Variants in CTPS1 observed in about 807,000 individuals in gnomAD.
The protein encoded by CTPS1 is CTP synthetase 1.
In CTPS1, 25 loss-of-function variants were observed where a neutral mutation model predicts 80.5. That is an observed-to-expected ratio of 0.31 (90% CI 0.23 to 0.43). CTPS1 has a LOEUF of 0.43. CTPS1 is among the 20% of genes least tolerant of loss of function. The pLI, the probability that CTPS1 is intolerant of heterozygous loss-of-function variation, is 1.00. For missense variants in CTPS1, 442 were observed against 725.7 expected, an observed-to-expected ratio of 0.61 and a Z score of 4.49; for synonymous variants, 267 against 252.5, an observed-to-expected ratio of 1.06 and a Z score of -0.54.
At position 40,984,739 on chromosome 1, in the gene CTPS1, G is replaced by C. The variant is rs1422581829; in HGVS notation, c.167-82G>C. The stretch of plus-strand genomic sequence containing the variant: ...TTACGTAATTGCACACCTTGTTAAT[G>C]AGTGTTTTATTTCAGGATTGCAGTT... On this transcript the variant is annotated intron_variant, in intron 2 of 18. Transcript: ENST00000650070. 3.7e-6 allele frequency: 4 copies of C among 1,086,226 alleles called. No homozygotes were observed. In the African/African-American group the frequency reaches 6.4e-5, roughly 17 times the overall value. The allele number at this position is 1,086,226 out of a possible 1,614,324, so 67.3% of individuals were successfully genotyped here. A position where few individuals can be genotyped will look rare whatever the true frequency, so the allele number is the denominator to read the frequency against.
intron 5 of CTPS1, among the ~76,000 whole-genome samples, chr1:40,990,188 CTGTG>C: frequency 6.6e-6 from 1 of 152,298 alleles, no homozygotes; most frequent in South Asian, 2.1e-4. Context: ...GTGGCAGAGA[CTGTG>C]TGGCCCACAA....
At chr1:41,005,410 C>T (rs192737403) in intron 12 of CTPS1, among the ~76,000 whole-genome samples, 2 of 152,122 alleles carry the variant, frequency 1.3e-5, no homozygotes, top group East Asian at 3.9e-4. Context: ...CCATTGCACT[C>T]CAGCCTGCCC....
intron 1 of CTPS1, chr1:40,980,665 C>G (rs530747649): frequency 1.3e-5 from 2 of 152,250 alleles, no homozygotes; most frequent in Non-Finnish European, 1.5e-5. Flanking sequence ...AAAAGCATTT[C>G]CCCCCTCAGT....
At chr1:40,987,322 T>C (rs1229478601) in intron 3 of CTPS1, 50 bp from the exon 4 acceptor site, 1 of 1,343,220 alleles carries the variant, frequency 7.4e-7, no homozygotes, top group East Asian at 2.3e-5. Context: ...TTTGTCTCAA[T>C]CAATGTAGAT....
At chr1:41,002,359 G>A in intron 11 of CTPS1, 105 bp downstream of exon 11, 1 of 895,304 alleles carries the variant, frequency 1.1e-6, no homozygotes, top group Non-Finnish European at 1.8e-6. Context: ...GAAACATGCT[G>A]TCTTTGTGGA....
At chr1:40,988,018 T>G (rs1480842921) in intron 4 of CTPS1, among the ~76,000 whole-genome samples, 2 of 152,148 alleles carry the variant, frequency 1.3e-5, no homozygotes, top group Admixed American at 1.3e-4. Context: ...GCTCAAGCAG[T>G]TCTCCTACCT....
At chr1:40,982,336 T>C (rs908826570) in intron 1 of CTPS1, among the ~76,000 whole-genome samples, 1 of 152,140 alleles carries the variant, frequency 6.6e-6, no homozygotes, top group Non-Finnish European at 1.5e-5. Flanking sequence ...CTTCATTGCA[T>C]GCCTGGGAGA....
At chr1:40,984,786 T>C (rs1642409671) in intron 2 of CTPS1, 35 bp from the exon 3 acceptor site, 3 of 1,430,022 alleles carry the variant, frequency 2.1e-6, no homozygotes, top group African/African-American at 2.9e-5. Flanking sequence ...TAGGTATTTT[T>C]CACTTAACGT....
intron 8 of CTPS1, 189 bp from the exon 9 acceptor site, chr1:40,997,205 A>T: frequency 1.7e-6 from 1 of 598,290 alleles, no homozygotes. Context: ...CAGTCAGCTC[A>T]CTGTAACCTC....
In CTPS1 at chr1:41,007,682, T is replaced by A. The variant is rs534535748; in HGVS notation, c.1393+137T>A. 203 of 675,296 alleles carry A rather than the reference T, an allele frequency of 3.0e-4. 1 individual carries two copies. The African/African-American group carries it at 3.3e-3, about 11-fold the overall frequency. The allele number at this position is 675,296 out of a possible 1,614,324, so 41.8% of individuals were successfully genotyped here. The stretch of plus-strand genomic sequence containing the variant: ...TGCTTTTGAAGTTCATTCTTTCCTC[T>A]CTTATTCATACCCTTTTAGGATGCA... On this transcript the variant is annotated intron_variant, in intron 14 of 18. Transcript: ENST00000650070. This position sits in a 1 kb window ranked among gnomAD's most constrained non-coding sequence, Gnocchi z 4.4.
intron 5 of CTPS1, 125 bp downstream of exon 5, chr1:40,988,835 A>G (rs1339830624): frequency 3.0e-6 from 2 of 666,860 alleles, no homozygotes; most frequent in Admixed American, 2.6e-5. Context: ...GAGAATAAAG[A>G]ACTTTGTAAG....
At chr1:40,981,222 G>A (rs770289782) in intron 1 of CTPS1, 7 of 152,192 alleles carry the variant, frequency 4.6e-5, no homozygotes, top group Non-Finnish European at 1.0e-4. Context: ...AAGCACAGTA[G>A]CTGTCATGTA....
chr1:41,006,361 C>A (rs1344885077), intron 13 of CTPS1, among the ~76,000 whole-genome samples: 1 of 152,162 alleles, frequency 6.6e-6, no homozygotes. Flanking sequence ...AAATTCTTCT[C>A]CATCCCTACT....
chr1:40,987,311 A>G (rs1187758519), intron 3 of CTPS1, 61 bp from the exon 4 acceptor site: 2 of 1,219,060 alleles, frequency 1.6e-6, no homozygotes, highest in African/African-American at 3.0e-5. Context: ...CAGTAAGTGC[A>G]TTTGTCTCAA....
At chr1:41,002,393 A>C in intron 11 of CTPS1, 139 bp downstream of exon 11, 1 of 678,648 alleles carries the variant, frequency 1.5e-6, no homozygotes, top group South Asian at 1.8e-5. Context: ...AGAAGCCTTC[A>C]TGTTTTCTCT....
In CTPS1 at chr1:41,012,430, C is replaced by G. The variant is rs1293135948; in HGVS notation, c.*782C>G. On this transcript the variant is annotated 3_prime_UTR_variant, in exon 19 of 19. Coordinates refer to ENST00000650070, the MANE Select transcript of CTPS1 (RefSeq NM_001905.4). ...CCATTTTTCTTCCAGGATGGTGTTA[C>G]TGCAGTTGAAAGGGCAATATGAAGT... 6.6e-6 allele frequency: 1 copy of G among 152,086 alleles called. No individual in the cohort carries two copies. The highest frequency in any genetic ancestry group is 2.4e-5 in the African/African-American group (1 of 41,420). 9.4% of individuals were successfully genotyped at this position (152,086 alleles called of 1,614,324 possible). A position where few individuals can be genotyped will look rare whatever the true frequency, so the allele number is the denominator to read the frequency against.
chr1:40,990,328 T>G (rs573690864), intron 5 of CTPS1, among the ~76,000 whole-genome samples: 1 of 152,270 alleles, frequency 6.6e-6, no homozygotes, highest in Non-Finnish European at 1.5e-5. Flanking sequence ...CCTATCATAT[T>G]GGATGACAGA....
At chr1:40,985,042 C>T (rs554198167) in intron 3 of CTPS1, 51 bp downstream of exon 3, 175 of 1,341,018 alleles carry the variant, frequency 1.3e-4, no homozygotes, top group Admixed American at 2.2e-4. Flanking sequence ...AGTTTAATTT[C>T]TTCTCCCTCC....
intron 9 of CTPS1, among the ~76,000 whole-genome samples, chr1:40,997,916 T>C (rs547916949): frequency 7.2e-5 from 11 of 152,222 alleles, no homozygotes; most frequent in Middle Eastern, 3.2e-3. Context: ...TTATCACTTA[T>C]TGCAGAGTGG....
Sources: gnomAD v4.1 joint callset for allele counts (sites outside exome capture counted in the v4.1 genomes callset) on GRCh38, gnomAD v4.1.1 for gene constraint, Gnocchi (gnomAD v3.1) non-coding constraint, MANE v1.5 for transcripts, NCBI Gene and HGNC (gene_info 2026-07-23, HGNC 2026-07-21) for gene names.